Variants in SAMMSON observed in about 807,000 individuals in gnomAD.
The protein encoded by SAMMSON is survival associated mitochondrial melanoma specific oncogenic non-coding RNA.
intron 4 of SAMMSON, among the ~76,000 whole-genome samples, chr3:70,136,879 T>G (rs189628688): frequency 0.016 from 2,433 of 152,308 alleles, 51 homozygotes; most frequent in African/African-American, 0.053. Flanking sequence ...TTTATAGTTA[T>G]GATCAACAGA....
chr3:70,128,711 G>A (rs2067468914), intron 4 of SAMMSON, among the ~76,000 whole-genome samples: 1 of 151,762 alleles, frequency 6.6e-6, no homozygotes, highest in African/African-American at 2.4e-5. Flanking sequence ...CCTTGGCTAT[G>A]TTTTGGGGGT....
chr3:70,314,548 A>C (rs556293739), intron 7 of SAMMSON, among the ~76,000 whole-genome samples: 1 of 152,196 alleles, frequency 6.6e-6, no homozygotes, highest in Non-Finnish European at 1.5e-5. Context: ...AGCAATGAGC[A>C]GAGACAACAC....
chr3:70,262,124 T>A (rs79032797), intron 6 of SAMMSON, among the ~76,000 whole-genome samples: 2,618 of 152,276 alleles, frequency 0.017, 76 homozygotes, highest in African/African-American at 0.06. Flanking sequence ...GCCTTCTATG[T>A]GTGTTGAGCA....
chr3:70,256,818 A>G (rs923260579), intron 6 of SAMMSON, among the ~76,000 whole-genome samples: 1 of 152,178 alleles, frequency 6.6e-6, no homozygotes, highest in African/African-American at 2.4e-5. Flanking sequence ...CTAATACTGG[A>G]ATGCAAAGTA....
intron 3 of SAMMSON, among the ~76,000 whole-genome samples, chr3:70,051,117 A>G (rs2067144093): frequency 7.3e-6 from 1 of 137,526 alleles, no homozygotes; most frequent in Admixed American, 7.5e-5. Flanking sequence ...CCTGGGCCAC[A>G]GAGTGATACT....
At chr3:70,214,062 G>T (rs142405047) in intron 4 of SAMMSON, among the ~76,000 whole-genome samples, 1 of 152,034 alleles carries the variant, frequency 6.6e-6, no homozygotes, top group Non-Finnish European at 1.5e-5. Context: ...AGGGATGAAG[G>T]CTTCTAAAAT....
At chr3:70,225,056 A>C (rs1173650204) in intron 4 of SAMMSON, among the ~76,000 whole-genome samples, 1 of 152,166 alleles carries the variant, frequency 6.6e-6, no homozygotes, top group African/African-American at 2.4e-5. Context: ...ATATTTCTCT[A>C]ATATATCTTG....
At chr3:70,021,521 A>G (rs981765519) in intron 3 of SAMMSON, among the ~76,000 whole-genome samples, 14 of 152,212 alleles carry the variant, frequency 9.2e-5, no homozygotes, top group Non-Finnish European at 1.6e-4. Flanking sequence ...GCTTGTTTAA[A>G]TAATGCCAAA....
chr3:70,182,814 A>G (rs772635164), intron 4 of SAMMSON, among the ~76,000 whole-genome samples: 1 of 152,166 alleles, frequency 6.6e-6, no homozygotes, highest in Non-Finnish European at 1.5e-5. Context: ...TGAACATTTA[A>G]TAGTTAACTA....
chr3:70,259,212 T>C (rs1041899931), intron 6 of SAMMSON, among the ~76,000 whole-genome samples: 52 of 152,202 alleles, frequency 3.4e-4, no homozygotes, highest in African/African-American at 1.3e-3. Context: ...GAACACATTC[T>C]ATTCATAGTC....
intron 9 of SAMMSON, among the ~76,000 whole-genome samples, chr3:70,360,489 A>C (rs1022905869): frequency 5.3e-5 from 8 of 152,190 alleles, no homozygotes; most frequent in African/African-American, 1.9e-4. Context: ...GAAAGTAACG[A>C]GATTATAGAA....
rs374313979 is a variant in SAMMSON, at chr3:70,292,286, T to G, written n.739+1043T>G. Among the ~76,000 whole-genome samples the G allele has an allele frequency of 2.2e-4, 34 of 152,276 alleles. No individual in the cohort carries two copies. The South Asian group carries it at 6.8e-3, about 31-fold the overall frequency. ...CTCATTGATAACAATTATATTTATT[T>G]GATTGTTTATAATATATAGTATCTA... On this transcript the variant is annotated intron_variant and non_coding_transcript_variant, in intron 7 of 9. Coordinates refer to ENST00000642114, the Ensembl canonical transcript of SAMMSON.
intron 7 of SAMMSON, among the ~76,000 whole-genome samples, chr3:70,324,584 G>C (rs1702565122): frequency 6.6e-6 from 1 of 152,088 alleles, no homozygotes; most frequent in South Asian, 2.1e-4. Context: ...AAACTTATTT[G>C]ACTATTTCTA....
chr3:70,220,324 G>C (rs1170227053), intron 4 of SAMMSON, among the ~76,000 whole-genome samples: 1 of 152,050 alleles, frequency 6.6e-6, no homozygotes, highest in Non-Finnish European at 1.5e-5. Flanking sequence ...CCAGTGCTTT[G>C]GGAGGCCGAG....
intron 3 of SAMMSON, among the ~76,000 whole-genome samples, chr3:70,016,503 T>A (rs995574905): frequency 6.6e-6 from 1 of 152,040 alleles, no homozygotes; most frequent in Non-Finnish European, 1.5e-5. Flanking sequence ...GTCAGATGAG[T>A]AGATTGCAAA....
intron 1 of SAMMSON, among the ~76,000 whole-genome samples, chr3:70,010,613 A>G (rs368656571): frequency 2.0e-5 from 3 of 152,150 alleles, no homozygotes; most frequent in East Asian, 3.9e-4. Flanking sequence ...TAATTTCAGC[A>G]TATGTAATGT....
At chr3:70,320,867 A>G (rs1328314199) in intron 7 of SAMMSON, among the ~76,000 whole-genome samples, 1 of 152,096 alleles carries the variant, frequency 6.6e-6, no homozygotes, top group African/African-American at 2.4e-5. Context: ...TTTGCATGTG[A>G]GGGAAAGCAA....
chr3:70,066,462 T>A (rs1375520828), intron 3 of SAMMSON, among the ~76,000 whole-genome samples: 2 of 152,046 alleles, frequency 1.3e-5, no homozygotes, highest in African/African-American at 4.8e-5. Context: ...CAGAAAAGAT[T>A]TTGAGTAACA....
At chr3:70,065,980 GT>G (rs1403497043) in intron 3 of SAMMSON, among the ~76,000 whole-genome samples, 1 of 152,140 alleles carries the variant, frequency 6.6e-6, no homozygotes, top group Non-Finnish European at 1.5e-5. Flanking sequence ...GTGGAAGGCA[GT>G]TACATGCTGG....
Sources: allele counts gnomAD v4.1 joint callset (sites outside exome capture counted in the v4.1 genomes callset), GRCh38; gene constraint gnomAD v4.1.1; transcripts MANE v1.5; gene names NCBI Gene and HGNC (gene_info 2026-07-23, HGNC 2026-07-21).